The following SGCZ variants were observed in gnomAD, a reference collection of about 807,000 sequenced individuals.
SGCZ encodes the protein sarcoglycan zeta.
SGCZ carries 40 observed loss-of-function variants against 41.3 expected under a neutral mutation model. The ratio of observed to expected loss-of-function variants is 0.97; its 90% CI spans 0.75 to 1.26. The LOEUF (loss-of-function observed/expected upper bound fraction) is 1.26, where lower values mean the gene tolerates loss of function less well. Ranked by LOEUF, SGCZ falls within the 50% of genes most tolerant of loss-of-function variation. The pLI is 0.00. For missense variants in SGCZ, 552 were observed against 369.8 expected (o/e 1.49, Z -4.04); for synonymous variants, 206 against 137.5 (o/e 1.50, Z -3.49).
At chr8:15,077,329 G>C (rs1262368684) in intron 1 of SGCZ, among the ~76,000 whole-genome samples, 1 of 152,160 alleles carries the variant, frequency 6.6e-6, no homozygotes, top group African/African-American at 2.4e-5. Context: ...AAAAATAAGT[G>C]CATTTCATGT....
At chr8:14,626,612 T>G (rs953957672) in intron 1 of SGCZ, among the ~76,000 whole-genome samples, 1 of 152,112 alleles carries the variant, frequency 6.6e-6, no homozygotes, top group African/African-American at 2.4e-5. Context: ...GACTGACTGG[T>G]GTCCTCATAA....
chr8:14,252,219 T>A (rs1278504928), intron 3 of SGCZ, among the ~76,000 whole-genome samples: 1 of 152,158 alleles, frequency 6.6e-6, no homozygotes, highest in African/African-American at 2.4e-5. Flanking sequence ...TATGGCTTCA[T>A]ATCTTGTGCT....
At chr8:14,959,337 G>T (rs779851490) in intron 1 of SGCZ, among the ~76,000 whole-genome samples, 9 of 151,960 alleles carry the variant, frequency 5.9e-5, no homozygotes, top group Non-Finnish European at 1.2e-4. Context: ...TTGGTTGGTT[G>T]GTTGTTTGGT....
At chr8:15,208,912 G>A (rs1308285160) in intron 1 of SGCZ, among the ~76,000 whole-genome samples, 1 of 149,820 alleles carries the variant, frequency 6.7e-6, no homozygotes, top group Non-Finnish European at 1.5e-5. Context: ...TAGAGAGAGA[G>A]AGAGAGAGAG....
chr8:14,138,042 A>C (rs1195460712), intron 5 of SGCZ, among the ~76,000 whole-genome samples: 2 of 152,226 alleles, frequency 1.3e-5, no homozygotes, highest in Non-Finnish European at 2.9e-5. Flanking sequence ...TCTTAAAGAA[A>C]AGAATTTTCA....
rs189582520 is a variant in SGCZ at position 14,412,245 on chromosome 8, C to T, written c.235-88041G>A. On this transcript the variant is annotated intron_variant, in intron 2 of 7. Coordinates refer to ENST00000382080, the MANE Select transcript of SGCZ (RefSeq NM_139167.4). ...TTGAGAAAAGAAGCCTCAGTTTCCT[C>T]TTTTGGAAAAAATCAAACAATATTT... 2.6e-5 allele frequency among the ~76,000 whole-genome samples: 4 copies of T among 152,130 alleles called. 1 individual carries two copies. The highest frequency in any genetic ancestry group is 4.8e-5 in the African/African-American group (2 of 41,550).
chr8:14,171,819 T>G lies in SGCZ; in HGVS notation c.425-7117A>C, dbSNP rs1804392258. Among the ~76,000 whole-genome samples the G allele has an allele frequency of 3.3e-5, 5 of 152,158 alleles. No individual in the cohort carries two copies. The South Asian group carries it at 1.0e-3, about 31-fold the overall frequency. ...ATAAAAATTATTCTATGTTTCATCTTGATAACAGTAAGATTTCTTGTTTCT... is the reference window on the plus strand; with the variant it reads ...ATAAAAATTATTCTATGTTTCATCTGGATAACAGTAAGATTTCTTGTTTCT... On this transcript the variant is annotated intron_variant, in intron 4 of 7. Coordinates refer to ENST00000382080, the MANE Select transcript of SGCZ (RefSeq NM_139167.4).
rs568551206 is a variant in SGCZ, at chr8:15,164,339, G to A, written c.39+73246C>T. Among the ~76,000 whole-genome samples, 32 of 152,066 alleles carry A rather than the reference G, an allele frequency of 2.1e-4. No homozygotes were observed. In the South Asian group the frequency reaches 5.2e-3, roughly 25 times the overall value. ...TTTTCTTCCTTTTACAGGACCCACC[G>A]GTGAGCAGCAGCTCCCAGCCGCTCC... On this transcript the variant is annotated intron_variant, in intron 1 of 7. Transcript: ENST00000382080.
At chr8:14,357,931 T>C (rs900876213) in intron 2 of SGCZ, among the ~76,000 whole-genome samples, 2 of 152,154 alleles carry the variant, frequency 1.3e-5, no homozygotes, top group South Asian at 2.1e-4. Context: ...AGTGATTCCA[T>C]GACAAACTTT....
chr8:14,126,416 A>G (rs1156451222), intron 5 of SGCZ, among the ~76,000 whole-genome samples: 1 of 152,194 alleles, frequency 6.6e-6, no homozygotes, highest in African/African-American at 2.4e-5. Flanking sequence ...GCAAATCAAA[A>G]CCACAGTGAG....
At position 14,151,525 on chromosome 8, in the gene SGCZ, A is replaced by G. The variant is rs570007213; in HGVS notation, c.547+13055T>C. 4.6e-5 allele frequency among the ~76,000 whole-genome samples: 7 copies of G among 152,260 alleles called. No homozygotes were observed. The South Asian group carries it at 1.5e-3, about 32-fold the overall frequency. Reference sequence around the variant, plus strand: ...AAATGACAATTCTCCTAAAATTTTTACACATGTTTAAGGCAATTAAAGCAA... The same window carrying G: ...AAATGACAATTCTCCTAAAATTTTTGCACATGTTTAAGGCAATTAAAGCAA... On this transcript the variant is annotated intron_variant, in intron 5 of 7. Coordinates refer to ENST00000382080, the MANE Select transcript of SGCZ (RefSeq NM_139167.4).
intron 2 of SGCZ, among the ~76,000 whole-genome samples, chr8:14,433,608 A>G (rs1358726226): frequency 6.6e-6 from 1 of 152,154 alleles, no homozygotes; most frequent in Non-Finnish European, 1.5e-5. Flanking sequence ...TAATTTCTTG[A>G]TGGATAATTC....
At position 14,133,936 on chromosome 8, in the gene SGCZ, G is replaced by C. The variant is rs1422169847; in HGVS notation, c.548-25701C>G. On this transcript the variant is annotated intron_variant, in intron 5 of 7. Transcript: ENST00000382080. The stretch of plus-strand genomic sequence containing the variant: ...AATATATTTAGGTACTATGCCACCA[G>C]AACATTTATTTCCTCAGGCTGTGTG... 2.0e-5 allele frequency among the ~76,000 whole-genome samples: 3 copies of C among 152,050 alleles called. No individual in the cohort carries two copies. The East Asian group carries it at 5.8e-4, about 29-fold the overall frequency.
chr8:14,626,415 G>A (rs1225334001), intron 1 of SGCZ, among the ~76,000 whole-genome samples: 1 of 151,770 alleles, frequency 6.6e-6, no homozygotes, highest in Non-Finnish European at 1.5e-5. Flanking sequence ...AGAAAACACT[G>A]GCCTTAGGTT....
At chr8:14,465,210 G>A (rs1478909211) in intron 2 of SGCZ, among the ~76,000 whole-genome samples, 1 of 151,494 alleles carries the variant, frequency 6.6e-6, no homozygotes, top group Non-Finnish European at 1.5e-5. Context: ...TGCCCCTTCA[G>A]TCCTGTCAAC....
intron 1 of SGCZ, among the ~76,000 whole-genome samples, chr8:14,886,817 G>T (rs889486461): frequency 2.0e-5 from 3 of 152,114 alleles, no homozygotes; most frequent in Non-Finnish European, 4.4e-5. Flanking sequence ...TTGGCTTCTG[G>T]GGTGGAGCAG....
At chr8:14,502,529 T>C (rs1050763982) in intron 2 of SGCZ, among the ~76,000 whole-genome samples, 3 of 152,080 alleles carry the variant, frequency 2.0e-5, no homozygotes, top group African/African-American at 4.8e-5. Flanking sequence ...CTGCTAATAA[T>C]AGTGAGAAAA....
At chr8:14,903,085 C>T (rs17120533) in intron 1 of SGCZ, among the ~76,000 whole-genome samples, 2 of 152,006 alleles carry the variant, frequency 1.3e-5, no homozygotes, top group African/African-American at 4.8e-5. Flanking sequence ...ATCCAGTTAA[C>T]GAGGCAGAGG....
chr8:15,079,329 A>G (rs534418629), intron 1 of SGCZ, among the ~76,000 whole-genome samples: 1 of 152,284 alleles, frequency 6.6e-6, no homozygotes, highest in African/African-American at 2.4e-5. Context: ...TGTTGTCTTT[A>G]TATCTGACAG....
Sources: allele counts gnomAD v4.1 joint callset (sites outside exome capture counted in the v4.1 genomes callset), GRCh38; gene constraint gnomAD v4.1.1; transcripts MANE v1.5; gene names NCBI Gene and HGNC (gene_info 2026-07-23, HGNC 2026-07-21).